LRRC58: variants seen among roughly 807,000 people sequenced by gnomAD.
LRRC58 encodes the protein leucine-rich repeat-containing protein 58.
In LRRC58, 18 loss-of-function variants were observed where a neutral mutation model predicts 30.6. That is an observed-to-expected ratio of 0.59 (90% confidence interval 0.41 to 0.87). The LOEUF is 0.87. Ranked by LOEUF, LRRC58 falls within the 40% of genes least tolerant of loss-of-function variation. LRRC58 has a pLI of 0.00. For synonymous variants in LRRC58, 221 were observed against 206.0 expected (o/e 1.07, Z -0.62); for missense variants, 420 against 468.4 (o/e 0.90, Z 0.95).
At chr3:120,341,693 G>T (rs914990708) in intron 1 of LRRC58, among the ~76,000 whole-genome samples, 1 of 152,154 alleles carries the variant, frequency 6.6e-6, no homozygotes, top group Non-Finnish European at 1.5e-5. Context: ...TCATGTTGAT[G>T]TAACAGGGAG....
intron 3 of LRRC58, among the ~76,000 whole-genome samples, chr3:120,332,855 TC>T (rs1379211899): frequency 2.6e-5 from 4 of 151,960 alleles, no homozygotes; most frequent in Non-Finnish European, 5.9e-5. Context: ...ACCCAAGCCA[TC>T]CTCTTACCTC....
chr3:120,340,567 C>T (rs1313609319), intron 1 of LRRC58, among the ~76,000 whole-genome samples: 1 of 152,140 alleles, frequency 6.6e-6, no homozygotes, highest in Non-Finnish European at 1.5e-5. Context: ...TTGAATCTAA[C>T]ATTTTGTCTT....
In LRRC58 at chr3:120,331,052, A is replaced by G. The variant is rs1935748202; in HGVS notation, c.*148T>C. ...GGACTCATTCTTGCTGAATGGGTAGATGAAACACAAAATGTTTTATATCAT... is the reference window on the plus strand; with the variant it reads ...GGACTCATTCTTGCTGAATGGGTAGGTGAAACACAAAATGTTTTATATCAT... On this transcript the variant is annotated 3_prime_UTR_variant, in exon 4 of 4. Coordinates refer to ENST00000295628, the MANE Select transcript of LRRC58 (RefSeq NM_001099678.2). 4.5e-6 allele frequency: 3 copies of G among 661,984 alleles called. No homozygotes were observed. The Admixed American group carries it at 8.1e-5, about 18-fold the overall frequency. 41.0% of individuals were successfully genotyped at this position (661,984 alleles called of 1,614,324 possible). A position where few individuals can be genotyped will look rare whatever the true frequency, so the allele number is the denominator to read the frequency against.
intron 1 of LRRC58, among the ~76,000 whole-genome samples, chr3:120,346,391 G>A (rs947090378): frequency 1.3e-5 from 2 of 152,140 alleles, no homozygotes; most frequent in Non-Finnish European, 2.9e-5. Flanking sequence ...AGACCACAGA[G>A]GTCAAATACA....
Position 120,349,028 on chromosome 3 carries a change from C to A in LRRC58, c.216G>T (p.Leu72=). The A allele has an allele frequency of 6.6e-7, 1 of 1,518,672 alleles. No individual in the cohort carries two copies. Among genetic ancestry groups the A allele is most frequent in the Non-Finnish European group, 8.8e-7 (1 of 1,140,890 alleles). 94.1% of individuals were successfully genotyped at this position (1,518,672 alleles called of 1,614,324 possible). Residue 72 remains leucine (L), a synonymous_variant, in exon 1 of 4, where the codon CTG becomes CTT. Coordinates refer to ENST00000295628, the MANE Select transcript of LRRC58 (RefSeq NM_001099678.2). ...TCAACGCGTTGCCGCTCACGTCCAG[C>A]AGCTGGAGGTGCGGGAAGCCGCTGC... ...ALGSGFPHLQ[L]LDVSGNALTA... is the part of the protein sequence containing the mutation.
At chr3:120,344,640 ATTAC>A (rs1935944954) in intron 1 of LRRC58, among the ~76,000 whole-genome samples, 1 of 152,234 alleles carries the variant, frequency 6.6e-6, no homozygotes, top group South Asian at 2.1e-4. Flanking sequence ...AAAGGAAGGC[ATTAC>A]TTAAGAAGAA....
intron 1 of LRRC58, 95 bp downstream of exon 1, chr3:120,348,649 G>A: frequency 7.3e-7 from 1 of 1,360,884 alleles, no homozygotes; most frequent in Non-Finnish European, 9.8e-7. Flanking sequence ...CTTGGAAATA[G>A]TTACGTGACA....
intron 1 of LRRC58, among the ~76,000 whole-genome samples, chr3:120,346,542 ACTG>A (rs1935971032): frequency 6.6e-6 from 1 of 152,156 alleles, no homozygotes. Context: ...GACAGGATCT[ACTG>A]CATTGTAAGT....
At chr3:120,332,533 A>C (rs1935771758) in intron 3 of LRRC58, among the ~76,000 whole-genome samples, 1 of 152,204 alleles carries the variant, frequency 6.6e-6, no homozygotes, top group Non-Finnish European at 1.5e-5. Flanking sequence ...AGCTTCTTGA[A>C]AACAGATGAA....
rs1289700755 is a variant in LRRC58, at chr3:120,324,553, A to T, written c.*6647T>A. 1 of 152,264 alleles carries T rather than the reference A, an allele frequency of 6.6e-6. No homozygotes were observed. Among genetic ancestry groups the T allele is most frequent in the Non-Finnish European group, 1.5e-5 (1 of 68,046 alleles). 9.4% of individuals were successfully genotyped at this position (152,264 alleles called of 1,614,324 possible). On this transcript the variant is annotated 3_prime_UTR_variant, in exon 4 of 4. Transcript: ENST00000295628. ...AATGTATGTATTCAATGATGTAACA[A>T]GTAATCAGGCAAATATCAACATTAT...
rs201718706 is a variant in LRRC58 at position 120,348,820 on chromosome 3, G to T, written c.424C>A (p.Leu142Met). The change falls in exon 1 of 4, where the codon CTG becomes ATG. Residue 142 changes from leucine to methionine, a missense_variant. By Grantham distance (15) the Leu-to-Met change is conservative. Coordinates refer to ENST00000295628, the MANE Select transcript of LRRC58 (RefSeq NM_001099678.2). ...AGGCTCAGGGTCTGCAGCGCGCGCA[G>T]CTCTAAGAGCGAGGCAGGCACCTCC... ...FQEVPASLLE[L>M]RALQTLSLGG... 1,952 of 1,607,374 alleles carry T rather than the reference G, an allele frequency of 1.2e-3. 37 individuals carry two copies. In the South Asian group the frequency reaches 0.02, roughly 16 times the overall value.
At chr3:120,332,733 AT>A (rs971480472) in intron 3 of LRRC58, among the ~76,000 whole-genome samples, 36 of 152,082 alleles carry the variant, frequency 2.4e-4, no homozygotes, top group African/African-American at 8.7e-4. Context: ...TTCATAGATT[AT>A]CTCAAATTTT....
In LRRC58 at chr3:120,348,032, T is replaced by C. The variant is rs72956896; in HGVS notation, c.500+712A>G. On this transcript the variant is annotated intron_variant, in intron 1 of 3. Transcript: ENST00000295628. Reference sequence around the variant, plus strand: ...AGAAAGTACAGCATAGGCTGTACTTTTTTGTGCAGGGAGTAGTAACGAAAA... The same window carrying C: ...AGAAAGTACAGCATAGGCTGTACTTCTTTGTGCAGGGAGTAGTAACGAAAA... Among the ~76,000 whole-genome samples the C allele has an allele frequency of 9.3e-3, 1,417 of 152,300 alleles. 25 individuals carry two copies. Among genetic ancestry groups the C allele is most frequent in the African/African-American group, 0.033 (1,371 of 41,570 alleles).
At chr3:120,344,210 G>A (rs1935940220) in intron 1 of LRRC58, among the ~76,000 whole-genome samples, 1 of 152,118 alleles carries the variant, frequency 6.6e-6, no homozygotes, top group Non-Finnish European at 1.5e-5. Context: ...AGAAAGATAA[G>A]AACATCTGTG....
chr3:120,334,799 A>T (rs1935811384), intron 3 of LRRC58, 63 bp downstream of exon 3: 1 of 1,405,578 alleles, frequency 7.1e-7, no homozygotes, highest in Admixed American at 2.5e-5. Context: ...TGTCTGAAAG[A>T]AGACTTAATT....
At chr3:120,336,865 T>TTA (rs1935841759) in intron 1 of LRRC58, among the ~76,000 whole-genome samples, 5 of 147,734 alleles carry the variant, frequency 3.4e-5, no homozygotes, top group Admixed American at 1.4e-4. Flanking sequence ...AAATATATAT[T>TTA]TATATATATT....
At chr3:120,339,775 A>C (rs929958536) in intron 1 of LRRC58, among the ~76,000 whole-genome samples, 1 of 152,064 alleles carries the variant, frequency 6.6e-6, no homozygotes, top group African/African-American at 2.4e-5. Context: ...CCTTTCTTTA[A>C]CTGTGGGAAA....
Position 120,331,083 on chromosome 3 carries a change from A to G in LRRC58, c.*117T>C, listed in dbSNP as rs114533645. 2.7e-4 allele frequency: 228 copies of G among 833,778 alleles called. 1 individual carries two copies. The African/African-American group carries it at 3.4e-3, about 13-fold the overall frequency. 51.6% of individuals were successfully genotyped at this position (833,778 alleles called of 1,614,324 possible). A position where few individuals can be genotyped will look rare whatever the true frequency, so the allele number is the denominator to read the frequency against. ...CACAAAATGTTTTATATCATCCCAGACTCTTTGATGAACACTTAAGATGAA... is the reference window on the plus strand; with the variant it reads ...CACAAAATGTTTTATATCATCCCAGGCTCTTTGATGAACACTTAAGATGAA... On this transcript the variant is annotated 3_prime_UTR_variant, in exon 4 of 4. Transcript: ENST00000295628.
intron 1 of LRRC58, among the ~76,000 whole-genome samples, chr3:120,342,462 C>A (rs1349817441): frequency 6.6e-6 from 1 of 152,154 alleles, no homozygotes; most frequent in East Asian, 1.9e-4. Flanking sequence ...CAGAGATGAC[C>A]TGCCGGGAGA....
Sources: allele counts gnomAD v4.1 joint callset (sites outside exome capture counted in the v4.1 genomes callset), GRCh38; gene constraint gnomAD v4.1.1; transcripts MANE v1.5; gene names NCBI Gene and HGNC (gene_info 2026-07-23, HGNC 2026-07-21).